CLEC16A: variants seen among roughly 807,000 people sequenced by gnomAD.
CLEC16A encodes the protein C-type lectin domain containing 16A, also known as protein CLEC16A.
CLEC16A carries 51 observed loss-of-function variants against 109.5 expected under a neutral mutation model. The ratio of observed to expected loss-of-function variants is 0.47; its 90% CI spans 0.37 to 0.59. The LOEUF (loss-of-function observed/expected upper bound fraction) is 0.59, where lower values mean the gene tolerates loss of function less well. Among genes scored for constraint, CLEC16A ranks in the 20% least tolerant of loss-of-function variants. The pLI is 0.00. For synonymous variants in CLEC16A, 673 were observed against 564.2 expected, an observed-to-expected ratio of 1.19 and a Z score of -2.73; for missense variants, 1,339 against 1,394.0, an observed-to-expected ratio of 0.96 and a Z score of 0.63.
intron 10 of CLEC16A, among the ~76,000 whole-genome samples, chr16:10,999,611 G>A (rs770333667): frequency 4.5e-4 from 69 of 152,260 alleles, no homozygotes; most frequent in Non-Finnish European, 5.7e-4. Flanking sequence ...GTTATTTCCA[G>A]TTGTTTACTG....
chr16:11,021,568 G>C (rs572240246), intron 12 of CLEC16A, among the ~76,000 whole-genome samples: 3 of 152,164 alleles, frequency 2.0e-5, no homozygotes, highest in East Asian at 1.9e-4. Context: ...GAGGCCAAGG[G>C]GGGAGGATCA....
chr16:10,947,980 G>C (rs1230531260), intron 1 of CLEC16A, among the ~76,000 whole-genome samples: 1 of 151,822 alleles, frequency 6.6e-6, no homozygotes, highest in Non-Finnish European at 1.5e-5. Context: ...TGCAAGCTCC[G>C]CCTCCCGGGT....
At chr16:11,018,071 G>C (rs2045868553) in intron 11 of CLEC16A, among the ~76,000 whole-genome samples, 1 of 151,450 alleles carries the variant, frequency 6.6e-6, no homozygotes, top group Non-Finnish European at 1.5e-5. Flanking sequence ...ACTTTGGGAG[G>C]CCAAGGTGGG....
In CLEC16A at chr16:11,047,284, CT is replaced by C; in HGVS notation, c.1816-3del. On this transcript the variant is annotated splice_polypyrimidine_tract_variant and splice_region_variant and intron_variant, in intron 16 of 23. Coordinates refer to ENST00000409790, the MANE Select transcript of CLEC16A (RefSeq NM_015226.3). The stretch of plus-strand genomic sequence containing the variant: ...AATCTCCTCTTCCCTCCCTTCCTTT[CT>C]TTTTAGGGAGAAGACATTTTTTTGG... 6.2e-7 allele frequency: 1 copy of C among 1,606,434 alleles called. No homozygotes were observed. Among genetic ancestry groups the C allele is most frequent in the Non-Finnish European group, 8.5e-7 (1 of 1,175,626 alleles).
At chr16:10,987,464 G>T (rs1040561280) in intron 10 of CLEC16A, among the ~76,000 whole-genome samples, 1 of 152,166 alleles carries the variant, frequency 6.6e-6, no homozygotes, top group African/African-American at 2.4e-5. Context: ...TAGGATGAAG[G>T]TCTCACCTCC....
At chr16:11,050,257 A>G (rs2047868235) in intron 17 of CLEC16A, among the ~76,000 whole-genome samples, 1 of 152,168 alleles carries the variant, frequency 6.6e-6, no homozygotes, top group Non-Finnish European at 1.5e-5. Flanking sequence ...ATGAGACCCA[A>G]TCCCGTCTTG....
At chr16:11,143,031 G>A (rs777900731) in intron 22 of CLEC16A, among the ~76,000 whole-genome samples, 22 of 152,140 alleles carry the variant, frequency 1.4e-4, no homozygotes, top group Non-Finnish European at 2.6e-4. Context: ...GGCTGGTCTC[G>A]AACTTCTGAC....
In CLEC16A at chr16:11,092,361, AACAC is replaced by A. The variant is rs3030566; in HGVS notation, c.2117-28216_2117-28213del. Among the ~76,000 whole-genome samples, 1,323 of 132,394 alleles carry A rather than the reference AACAC, an allele frequency of 1.0e-2. 15 individuals are homozygous for A. The highest frequency in any genetic ancestry group is 0.028 in the East Asian group (120 of 4,322). 86.9% of individuals were successfully genotyped at this position (132,394 alleles called of 152,430 possible). A position where few individuals can be genotyped will look rare whatever the true frequency, so the allele number is the denominator to read the frequency against. The stretch of plus-strand genomic sequence containing the variant: ...CTGTCTCAAAAAACAAACAAAAACA[AACAC>A]ACACACACACACACACACACACACA... On this transcript the variant is annotated intron_variant, in intron 19 of 23. Transcript: ENST00000409790.
intron 1 of CLEC16A, among the ~76,000 whole-genome samples, chr16:10,950,373 A>G (rs749679719): frequency 3.9e-5 from 6 of 152,214 alleles, no homozygotes; most frequent in Non-Finnish European, 7.3e-5. Context: ...CTCTGTTTTC[A>G]GAAAAGGCCA....
intron 19 of CLEC16A, among the ~76,000 whole-genome samples, chr16:11,087,604 A>G (rs915262563): frequency 1.3e-5 from 2 of 152,126 alleles, no homozygotes; most frequent in Non-Finnish European, 2.9e-5. Context: ...GTGGGATTCA[A>G]CCCCAGGTTC....
At chr16:11,096,074 A>G (rs2050595949) in intron 19 of CLEC16A, among the ~76,000 whole-genome samples, 1 of 152,004 alleles carries the variant, frequency 6.6e-6, no homozygotes, top group South Asian at 2.1e-4. Flanking sequence ...TGGCTCACGC[A>G]TGTAATCCCA....
At position 11,044,078 on chromosome 16, in the gene CLEC16A, T is replaced by C. The variant is rs200728632; in HGVS notation, c.1815+6T>C. 3.7e-5 allele frequency: 60 copies of C among 1,606,884 alleles called. No homozygotes were observed. Among genetic ancestry groups the C allele is most frequent in the Non-Finnish European group, 4.8e-5 (57 of 1,175,520 alleles). Reference sequence around the variant, plus strand: ...TTGTACGACATTTTTATAAGGTAATTGGCAGAGCACAGATGGACAGCAGCA... The same window carrying C: ...TTGTACGACATTTTTATAAGGTAATCGGCAGAGCACAGATGGACAGCAGCA... On this transcript the variant is annotated splice_donor_region_variant and intron_variant, in intron 16 of 23. Transcript: ENST00000409790.
intron 13 of CLEC16A, among the ~76,000 whole-genome samples, chr16:11,030,098 A>T (rs1044658694): frequency 1.3e-5 from 2 of 152,198 alleles, no homozygotes; most frequent in African/African-American, 4.8e-5. Context: ...CCATTATATG[A>T]ACATACCACA....
intron 19 of CLEC16A, among the ~76,000 whole-genome samples, chr16:11,093,164 C>T (rs1355746573): frequency 2.0e-5 from 3 of 152,186 alleles, no homozygotes; most frequent in Admixed American, 2.0e-4. Flanking sequence ...TGGTGTGCAC[C>T]CTCATCTCTT....
chr16:11,161,585 T>TA (rs2153088492), intron 22 of CLEC16A, among the ~76,000 whole-genome samples: 1 of 152,316 alleles, frequency 6.6e-6, no homozygotes, highest in Non-Finnish European at 1.5e-5. Context: ...ACTCGAAAGA[T>TA]ATCTGGGGGT....
At chr16:10,995,557 C>G (rs2044277257) in intron 10 of CLEC16A, among the ~76,000 whole-genome samples, 1 of 152,224 alleles carries the variant, frequency 6.6e-6, no homozygotes, top group South Asian at 2.1e-4. Context: ...CCTGCCCTCT[C>G]TTCCATCCTC....
At chr16:11,075,412 C>CTGTGTGTG (rs375261875) in intron 19 of CLEC16A, among the ~76,000 whole-genome samples, 32 of 120,578 alleles carry the variant, frequency 2.7e-4, no homozygotes, top group East Asian at 1.3e-3. Flanking sequence ...GTGTGTGTGT[C>CTGTGTGTG]TGTGTGTGTG....
In CLEC16A at chr16:11,180,381, A is replaced by G. The variant is rs1161455840; in HGVS notation, c.*1691A>G. ...AAGGACCTTTGCTTCCATAGAGAAAACGCACAGCTCAGAAAGGGGGCCACA... is the reference window on the plus strand; with the variant it reads ...AAGGACCTTTGCTTCCATAGAGAAAGCGCACAGCTCAGAAAGGGGGCCACA... On this transcript the variant is annotated 3_prime_UTR_variant, in exon 24 of 24. Coordinates refer to ENST00000409790, the MANE Select transcript of CLEC16A (RefSeq NM_015226.3). 6.6e-6 allele frequency: 1 copy of G among 152,206 alleles called. No homozygotes were observed. Among genetic ancestry groups the G allele is most frequent in the Non-Finnish European group, 1.5e-5 (1 of 68,104 alleles). 9.4% of individuals were successfully genotyped at this position (152,206 alleles called of 1,614,324 possible).
chr16:10,977,474 A>C, intron 8 of CLEC16A, 75 bp downstream of exon 8: 20 of 1,313,716 alleles, frequency 1.5e-5, no homozygotes, highest in Non-Finnish European at 1.9e-5. Flanking sequence ...GTCCCCTGGA[A>C]TGGGGCTGAG....
Sources: allele counts gnomAD v4.1 joint callset (sites outside exome capture counted in the v4.1 genomes callset), GRCh38; gene constraint gnomAD v4.1.1; transcripts MANE v1.5; gene names NCBI Gene and HGNC (gene_info 2026-07-23, HGNC 2026-07-21).